BCAS3: variants seen among roughly 807,000 people sequenced by gnomAD.
The protein encoded by BCAS3 is BCAS3 microtubule associated cell migration factor, also known as BCAS4/BCAS3 fusion.
A neutral mutation model predicts 116.1 loss-of-function variants in BCAS3; 53 were observed. The ratio of observed to expected loss-of-function variants is 0.46; its 90% CI spans 0.37 to 0.57. The LOEUF (loss-of-function observed/expected upper bound fraction) is 0.57. Among genes scored for constraint, BCAS3 ranks in the 20% least tolerant of loss-of-function variants. BCAS3 has a pLI of 0.00. For missense variants in BCAS3, 917 were observed against 1,165.4 expected, an observed-to-expected ratio of 0.79 and a Z score of 3.10; for synonymous variants, 391 against 408.2, an observed-to-expected ratio of 0.96 and a Z score of 0.51.
At chr17:60,945,970 A>T (rs1354186277) in intron 13 of BCAS3, among the ~76,000 whole-genome samples, 1 of 151,846 alleles carries the variant, frequency 6.6e-6, no homozygotes, top group Non-Finnish European at 1.5e-5. Flanking sequence ...AGTACAAAAA[A>T]TTAGCCGGGC....
At chr17:60,845,191 T>G (rs2052401600) in intron 7 of BCAS3, among the ~76,000 whole-genome samples, 2 of 152,168 alleles carry the variant, frequency 1.3e-5, no homozygotes. Flanking sequence ...ATTGCGCCAT[T>G]GCACTCCAGC....
At position 61,105,249 on chromosome 17, in the gene BCAS3, G is replaced by C. The variant is rs575564681; in HGVS notation, c.2425+20685G>C. ...ACTCAGGTGGTTTACCCCAAAACCTGGCCTTTGCTTTCCTCAGACCTTTAA... is the reference window on the plus strand; with the variant it reads ...ACTCAGGTGGTTTACCCCAAAACCTCGCCTTTGCTTTCCTCAGACCTTTAA... On this transcript the variant is annotated intron_variant, in intron 22 of 23. Coordinates refer to ENST00000407086, the MANE Select transcript of BCAS3 (RefSeq NM_017679.5). The surrounding 1 kb of genome is among the most constrained non-coding windows in gnomAD (Gnocchi z 4.3). Among the ~76,000 whole-genome samples, 2 of 152,264 alleles carry C rather than the reference G, an allele frequency of 1.3e-5. No homozygotes were observed. The highest frequency in any genetic ancestry group is 4.2e-4 in the South Asian group (2 of 4,816).
intron 12 of BCAS3, among the ~76,000 whole-genome samples, chr17:60,920,546 C>T (rs971791480): frequency 6.6e-6 from 1 of 152,068 alleles, no homozygotes; most frequent in Non-Finnish European, 1.5e-5. Context: ...GAGATGCCAC[C>T]TTAACACCAG....
At chr17:61,033,386 T>C (rs2066787801) in intron 16 of BCAS3, among the ~76,000 whole-genome samples, 1 of 152,182 alleles carries the variant, frequency 6.6e-6, no homozygotes, top group Non-Finnish European at 1.5e-5. Flanking sequence ...TTTGAGATAA[T>C]ATAATCATTA....
intron 19 of BCAS3, among the ~76,000 whole-genome samples, chr17:61,047,540 G>A (rs559045783): frequency 1.8e-4 from 28 of 152,098 alleles, no homozygotes; most frequent in East Asian, 1.9e-4. Context: ...AAAGATGACA[G>A]CAGAGGTCAT....
At chr17:61,078,199 G>A in intron 20 of BCAS3, 134 bp from the exon 21 acceptor site, 1 of 638,408 alleles carries the variant, frequency 1.6e-6, no homozygotes. Flanking sequence ...TTTAATTATG[G>A]GTGTCCTATC....
In BCAS3 at chr17:60,868,770, T is replaced by G. The variant is rs114586742; in HGVS notation, c.584+87T>G. The G allele has an allele frequency of 3.6e-4, 247 of 679,592 alleles. No individual in the cohort carries two copies. The African/African-American group carries it at 4.3e-3, about 12-fold the overall frequency. 42.1% of individuals were successfully genotyped at this position (679,592 alleles called of 1,614,324 possible). A position where few individuals can be genotyped will look rare whatever the true frequency, so the allele number is the denominator to read the frequency against. Reference sequence around the variant, plus strand: ...AACTCTACCAGTTTCAATGACTAACTTAGATTTATTTTTAAAAATCTCAAG... The same window carrying G: ...AACTCTACCAGTTTCAATGACTAACGTAGATTTATTTTTAAAAATCTCAAG... On this transcript the variant is annotated intron_variant, in intron 8 of 23. Coordinates refer to ENST00000407086, the MANE Select transcript of BCAS3 (RefSeq NM_017679.5).
At position 61,265,123 on chromosome 17, in the gene BCAS3, C is replaced by T. The variant is rs1314493465; in HGVS notation, c.2426-103204C>T. ...ACATGGAGTACTATATATAAGAAAG[C>T]ACAATACCAGCCAGGCGCAATGGCT... On this transcript the variant is annotated intron_variant, in intron 22 of 23. Transcript: ENST00000407086. This position sits in a 1 kb window ranked among gnomAD's most constrained non-coding sequence, Gnocchi z 4.3. 6.6e-6 allele frequency among the ~76,000 whole-genome samples: 1 copy of T among 152,066 alleles called. No individual in the cohort carries two copies. The highest frequency in any genetic ancestry group is 1.5e-5 in the Non-Finnish European group (1 of 67,982).
intron 5 of BCAS3, among the ~76,000 whole-genome samples, chr17:60,732,518 A>G (rs1400460867): frequency 2.0e-5 from 3 of 152,170 alleles, no homozygotes; most frequent in African/African-American, 7.2e-5. Flanking sequence ...CTCCAAGGCT[A>G]TAAATCATAG....
chr17:60,967,649 G>C lies in BCAS3; in HGVS notation c.1221+20297G>C, dbSNP rs530015986. Among the ~76,000 whole-genome samples the C allele has an allele frequency of 4.8e-4, 73 of 152,074 alleles. No homozygotes were observed. Among genetic ancestry groups the C allele is most frequent in the African/African-American group, 1.8e-3 (73 of 41,458 alleles). ...TACCCTTTAGTCTTATCTCCCTCTT[G>C]AATACCAATAATTCTTAGATTTGGT... On this transcript the variant is annotated intron_variant, in intron 14 of 23. Transcript: ENST00000407086. This position sits in a 1 kb window ranked among gnomAD's most constrained non-coding sequence, Gnocchi z 4.7.
chr17:61,266,921 A>G (rs2049773396), intron 22 of BCAS3, among the ~76,000 whole-genome samples: 1 of 152,214 alleles, frequency 6.6e-6, no homozygotes, highest in Admixed American at 6.5e-5. Context: ...ATTGCCAGAC[A>G]TGCACTATCT....
In BCAS3 at chr17:61,344,790, G is replaced by A. The variant is rs761329410; in HGVS notation, c.2426-23537G>A. 1.2e-4 allele frequency among the ~76,000 whole-genome samples: 18 copies of A among 152,132 alleles called. No homozygotes were observed. Among genetic ancestry groups the A allele is most frequent in the Non-Finnish European group, 2.2e-4 (15 of 68,030 alleles). Reference sequence around the variant, plus strand: ...CCAAAAGGAAGGGAGTGGGAGAGATGAGCCATGGGAAGCCAGCAGGGCCCA... The same window carrying A: ...CCAAAAGGAAGGGAGTGGGAGAGATAAGCCATGGGAAGCCAGCAGGGCCCA... On this transcript the variant is annotated intron_variant, in intron 22 of 23. Coordinates refer to ENST00000407086, the MANE Select transcript of BCAS3 (RefSeq NM_017679.5). The surrounding 1 kb of genome is among the most constrained non-coding windows in gnomAD (Gnocchi z 4.1).
At chr17:61,223,191 T>G (rs890211075) in intron 22 of BCAS3, among the ~76,000 whole-genome samples, 1 of 110,034 alleles carries the variant, frequency 9.1e-6, no homozygotes. Flanking sequence ...GGAGTTTCAC[T>G]CTGTTGCCCA....
chr17:60,869,390 C>T (rs1407957594), intron 8 of BCAS3, among the ~76,000 whole-genome samples: 1 of 152,076 alleles, frequency 6.6e-6, no homozygotes, highest in Non-Finnish European at 1.5e-5. Flanking sequence ...TTACATGCCT[C>T]GTATAAATCT....
intron 13 of BCAS3, 56 bp downstream of exon 13, chr17:60,924,556 G>C (rs1401602101): frequency 7.5e-7 from 1 of 1,342,152 alleles, no homozygotes; most frequent in African/African-American, 1.5e-5. Flanking sequence ...TTATATAATG[G>C]GTTTTCCAGC....
At chr17:61,135,523 G>A (rs1218498742) in intron 22 of BCAS3, among the ~76,000 whole-genome samples, 2 of 152,232 alleles carry the variant, frequency 1.3e-5, no homozygotes, top group African/African-American at 2.4e-5. Context: ...CCAAAGATCT[G>A]TAGGAAAATG....
intron 7 of BCAS3, among the ~76,000 whole-genome samples, chr17:60,850,660 A>C (rs528343601): frequency 6.6e-6 from 1 of 152,104 alleles, no homozygotes; most frequent in Non-Finnish European, 1.5e-5. Flanking sequence ...CGCCCGGCCA[A>C]TTTTAGACCT....
At chr17:61,079,630 C>G (rs915058341) in intron 21 of BCAS3, among the ~76,000 whole-genome samples, 1 of 152,004 alleles carries the variant, frequency 6.6e-6, no homozygotes, top group Non-Finnish European at 1.5e-5. Context: ...GAGTCTTGCT[C>G]TGTCACTCAG....
chr17:60,760,992 T>C (rs1201985654), intron 6 of BCAS3, among the ~76,000 whole-genome samples: 1 of 152,092 alleles, frequency 6.6e-6, no homozygotes, highest in Non-Finnish European at 1.5e-5. Context: ...CTTGATCTTA[T>C]CTATTGTTGC....
Sources: allele counts gnomAD v4.1 joint callset (sites outside exome capture counted in the v4.1 genomes callset), GRCh38; gene constraint gnomAD v4.1.1; non-coding constraint Gnocchi (gnomAD v3.1); transcripts MANE v1.5; gene names NCBI Gene and HGNC (gene_info 2026-07-23, HGNC 2026-07-21).